STK3: variants seen among roughly 807,000 people sequenced by gnomAD.
STK3 encodes the protein serine/threonine kinase 3.
Under a neutral mutation model 58.0 loss-of-function variants are expected in STK3, and 41 were observed. That is an observed-to-expected ratio of 0.71 (90% CI 0.55 to 0.92). The LOEUF (loss-of-function observed/expected upper bound fraction) is 0.92, where lower values mean the gene tolerates loss of function less well. STK3 is among the 40% of genes least tolerant of loss of function. The probability of loss-of-function intolerance (pLI) is 0.00; values close to 1 mark genes in which losing one functional copy is unlikely to be tolerated. For synonymous variants in STK3, 170 were observed against 191.0 expected (o/e 0.89, Z 0.91); for missense variants, 479 against 602.7 (o/e 0.79, Z 2.15).
chr8:98,373,469 G>A (rs1001030397), intron 2 of STK3, among the ~76,000 whole-genome samples: 1 of 152,208 alleles, frequency 6.6e-6, no homozygotes, highest in African/African-American at 2.4e-5. Flanking sequence ...TTGAACATGT[G>A]TGTGCTGGGC....
chr8:98,553,545 C>T lies in STK3; in HGVS notation c.949-5384G>A, dbSNP rs377749438. 7.9e-5 allele frequency: 12 copies of T among 152,136 alleles called. No individual in the cohort carries two copies. The East Asian group carries it at 2.3e-3, about 29-fold the overall frequency. The allele number at this position is 152,136 out of a possible 1,614,324, so 9.4% of individuals were successfully genotyped here. On this transcript the variant is annotated intron_variant, in intron 8 of 10. Coordinates refer to ENST00000419617, the MANE Select transcript of STK3 (RefSeq NM_006281.4). The stretch of plus-strand genomic sequence containing the variant: ...GTTCTTATTATAAAACATAGAATAG[C>T]TATTAAAGATATTATACTTTGGGAC...
chr8:98,418,660 G>A (rs2131051571), intron 3 of STK3, among the ~76,000 whole-genome samples: 1 of 152,286 alleles, frequency 6.6e-6, no homozygotes, highest in South Asian at 2.1e-4. Flanking sequence ...AGGACAGAAA[G>A]GGATCTTACC....
At chr8:98,658,442 A>G (rs902738478) in intron 6 of STK3, among the ~76,000 whole-genome samples, 1 of 152,034 alleles carries the variant, frequency 6.6e-6, no homozygotes, top group African/African-American at 2.4e-5. Flanking sequence ...AAGCAAACAT[A>G]TCTGTTCCTA....
intron 6 of STK3, among the ~76,000 whole-genome samples, chr8:98,656,794 C>G (rs1382243533): frequency 1.3e-5 from 2 of 152,022 alleles, no homozygotes; most frequent in South Asian, 2.1e-4. Flanking sequence ...CATAATCTTT[C>G]AAGGCCTCAA....
At chr8:98,896,117 G>A (rs975042245) in intron 1 of STK3, among the ~76,000 whole-genome samples, 4 of 152,044 alleles carry the variant, frequency 2.6e-5, no homozygotes, top group Admixed American at 2.6e-4. Context: ...AGTCATCTCT[G>A]CCCTAGTACA....
At chr8:98,850,517 A>C (rs1332351122) in intron 3 of STK3, among the ~76,000 whole-genome samples, 4 of 152,190 alleles carry the variant, frequency 2.6e-5, no homozygotes, top group Non-Finnish European at 5.9e-5. Context: ...CATCCAACCC[A>C]GCTTGGGGGT....
chr8:98,831,305 T>G (rs1446610028), intron 3 of STK3, among the ~76,000 whole-genome samples: 1 of 152,132 alleles, frequency 6.6e-6, no homozygotes, highest in Non-Finnish European at 1.5e-5. Flanking sequence ...TAGGCTGGAG[T>G]GTAGTGACAC....
chr8:98,675,756 C>G (rs963748220), intron 6 of STK3, among the ~76,000 whole-genome samples: 1 of 151,764 alleles, frequency 6.6e-6, no homozygotes, highest in African/African-American at 2.4e-5. Context: ...CCCAGCTACT[C>G]GGGAGGCTGA....
intron 3 of STK3, among the ~76,000 whole-genome samples, chr8:98,872,806 A>AT (rs1203503538): frequency 1.3e-5 from 2 of 151,998 alleles, no homozygotes; most frequent in Non-Finnish European, 1.5e-5. Context: ...GGATTCATTG[A>AT]TTTTTTGAAG....
intron 10 of STK3, among the ~76,000 whole-genome samples, chr8:98,475,086 G>A (rs531870366): frequency 7.2e-5 from 11 of 152,242 alleles, no homozygotes; most frequent in African/African-American, 2.4e-4. Context: ...AATTAAAGAC[G>A]TTACTGTGAT....
At chr8:98,662,460 T>C (rs570193697) in intron 6 of STK3, among the ~76,000 whole-genome samples, 19 of 152,318 alleles carry the variant, frequency 1.2e-4, no homozygotes, top group Admixed American at 1.1e-3. Flanking sequence ...CTATGATCCA[T>C]ATGTAGGCCT....
At chr8:98,522,700 A>G (rs1292888092) in intron 10 of STK3, among the ~76,000 whole-genome samples, 3 of 152,148 alleles carry the variant, frequency 2.0e-5, no homozygotes, top group African/African-American at 7.2e-5. Flanking sequence ...CCATCAAACA[A>G]TAACTCCCTA....
chr8:98,720,278 G>A (rs1337335534), intron 4 of STK3, among the ~76,000 whole-genome samples: 1 of 152,124 alleles, frequency 6.6e-6, no homozygotes. Context: ...TAAGTAAGCA[G>A]AAACACTTAT....
chr8:98,442,482 T>A (rs1357945848), intron 1 of STK3, among the ~76,000 whole-genome samples: 1 of 152,234 alleles, frequency 6.6e-6, no homozygotes, highest in South Asian at 2.1e-4. Flanking sequence ...CCAAGGTGCG[T>A]TATTTCAGGC....
chr8:98,376,566 T>G (rs1310263316), intron 2 of STK3, among the ~76,000 whole-genome samples: 1 of 152,248 alleles, frequency 6.6e-6, no homozygotes, highest in African/African-American at 2.4e-5. Context: ...CATTTAGATT[T>G]ATGTTCTGAG....
At chr8:98,451,997 A>G (rs1407861000), downstream of STK3, among the ~76,000 whole-genome samples, 1 of 152,118 alleles carries the variant, frequency 6.6e-6, no homozygotes, top group Non-Finnish European at 1.5e-5. Context: ...TATAACTCCA[A>G]TTATTTTTCT....
chr8:98,639,518 G>A (rs1819856582), intron 6 of STK3, among the ~76,000 whole-genome samples: 1 of 152,202 alleles, frequency 6.6e-6, no homozygotes, highest in Admixed American at 6.5e-5. Flanking sequence ...ATGACACTGT[G>A]AAAGCTTTCT....
At chr8:98,689,937 C>T (rs1452507365) in intron 6 of STK3, among the ~76,000 whole-genome samples, 1 of 152,054 alleles carries the variant, frequency 6.6e-6, no homozygotes, top group African/African-American at 2.4e-5. Context: ...GAATTAAAAA[C>T]AAAAACCATA....
At chr8:98,570,938 C>T (rs1812910059) in intron 8 of STK3, among the ~76,000 whole-genome samples, 1 of 152,168 alleles carries the variant, frequency 6.6e-6, no homozygotes, top group Non-Finnish European at 1.5e-5. Flanking sequence ...GATAATGCAA[C>T]CTCCCTTTTA....
Sources: gnomAD v4.1 joint callset for allele counts (sites outside exome capture counted in the v4.1 genomes callset) on GRCh38, gnomAD v4.1.1 for gene constraint, MANE v1.5 for transcripts, NCBI Gene and HGNC (gene_info 2026-07-23, HGNC 2026-07-21) for gene names.